The following SLC8A1 variants were observed in gnomAD, a reference collection of about 807,000 sequenced individuals.
SLC8A1 encodes solute carrier family 8 member A1, also known as sodium/calcium exchanger 1.
Under a neutral mutation model 68.3 loss-of-function variants are expected in SLC8A1, and 18 were observed. The observed-to-expected ratio is 0.26, with a 90% CI of 0.18 to 0.39. SLC8A1 has a LOEUF of 0.39. Among genes scored for constraint, SLC8A1 ranks in the 10% least tolerant of loss-of-function variants. The pLI is 1.00. For synonymous variants in SLC8A1, 475 were observed against 415.5 expected (o/e 1.14, Z -1.74); for missense variants, 985 against 1,156.7 (o/e 0.85, Z 2.15).
At chr2:40,224,560 C>A (rs1262815704) in intron 2 of SLC8A1, among the ~76,000 whole-genome samples, 1 of 152,048 alleles carries the variant, frequency 6.6e-6, no homozygotes, top group African/African-American at 2.4e-5. Context: ...CTGTGCAGCT[C>A]CATCATCCAC....
chr2:40,368,777 G>C (rs1575758656), intron 2 of SLC8A1, among the ~76,000 whole-genome samples: 1 of 151,752 alleles, frequency 6.6e-6, no homozygotes, highest in East Asian at 1.9e-4. Flanking sequence ...CTATGTGCCT[G>C]ACTTCAAACC....
At chr2:40,297,752 G>A (rs1034576659) in intron 2 of SLC8A1, among the ~76,000 whole-genome samples, 9 of 152,174 alleles carry the variant, frequency 5.9e-5, no homozygotes, top group African/African-American at 2.2e-4. Context: ...CATTGGTAGA[G>A]TAACAGTCTC....
At chr2:40,429,401 T>G (rs776009460) in exon 2 of SLC8A1, 19 of 1,613,864 alleles carry the variant, frequency 1.2e-5, no homozygotes, top group Non-Finnish European at 1.4e-5. Flanking sequence ...TTGACCACTT[T>G]CCCGTCCATT....
intron 2 of SLC8A1, among the ~76,000 whole-genome samples, chr2:40,357,120 G>A (rs185303005): frequency 1.3e-4 from 20 of 152,162 alleles, no homozygotes; most frequent in African/African-American, 4.8e-4. Flanking sequence ...AGCTTCATCA[G>A]AGCAAATAAC....
chr2:40,421,805 A>G (rs572183451), intron 2 of SLC8A1, among the ~76,000 whole-genome samples: 2 of 152,338 alleles, frequency 1.3e-5, no homozygotes, highest in Admixed American at 6.5e-5. Context: ...GCCTGGCTCT[A>G]TAGTGAAACA....
intron 2 of SLC8A1, among the ~76,000 whole-genome samples, chr2:40,309,383 A>G (rs892824354): frequency 6.6e-6 from 1 of 151,196 alleles, no homozygotes; most frequent in Non-Finnish European, 1.5e-5. Flanking sequence ...GATAAAAAGG[A>G]TACGTGTTTT....
At chr2:40,176,663 T>A (rs446538) in intron 3 of SLC8A1, among the ~76,000 whole-genome samples, 24 of 152,030 alleles carry the variant, frequency 1.6e-4, no homozygotes, top group African/African-American at 5.8e-4. Context: ...AAACATGGGA[T>A]GAACGTGGGA....
At chr2:40,246,553 C>G (rs1018470252) in intron 2 of SLC8A1, among the ~76,000 whole-genome samples, 1 of 152,200 alleles carries the variant, frequency 6.6e-6, no homozygotes, top group African/African-American at 2.4e-5. Context: ...CTGCTCAGGA[C>G]TGATTCCTGT....
chr2:40,265,859 A>T (rs755654706), intron 2 of SLC8A1, among the ~76,000 whole-genome samples: 3 of 149,806 alleles, frequency 2.0e-5, no homozygotes, highest in Non-Finnish European at 4.5e-5. Context: ...AGGCATAAAG[A>T]AAAAAAAAAT....
At chr2:40,296,274 G>C (rs4952604) in intron 2 of SLC8A1, among the ~76,000 whole-genome samples, 40,922 of 151,926 alleles carry the variant, frequency 0.27, 5,598 homozygotes, top group East Asian at 0.38. Context: ...ACCCCAAGAG[G>C]GAAATGACTA....
intron 2 of SLC8A1, among the ~76,000 whole-genome samples, chr2:40,230,543 A>C (rs2059522367): frequency 2.0e-5 from 3 of 152,176 alleles, no homozygotes; most frequent in South Asian, 4.1e-4. Flanking sequence ...ATCAACTCTT[A>C]ATCACTATAA....
intron 2 of SLC8A1, among the ~76,000 whole-genome samples, chr2:40,226,420 G>C (rs941908968): frequency 6.6e-5 from 10 of 152,264 alleles, no homozygotes; most frequent in African/African-American, 1.7e-4. Context: ...GCTTGGAAAT[G>C]TATAGACTGC....
At chr2:40,424,398 CA>C (rs1040252742) in intron 2 of SLC8A1, among the ~76,000 whole-genome samples, 1 of 151,610 alleles carries the variant, frequency 6.6e-6, no homozygotes, top group Non-Finnish European at 1.5e-5. Context: ...CCATAAATAG[CA>C]AAAACAAAAT....
intron 1 of SLC8A1, among the ~76,000 whole-genome samples, chr2:40,501,220 C>G (rs141887863): frequency 2.0e-5 from 3 of 152,104 alleles, no homozygotes; most frequent in African/African-American, 7.2e-5. Flanking sequence ...CTCTATCCTT[C>G]TCTATCTCTT....
chr2:40,239,952 C>T (rs550174587), intron 2 of SLC8A1, among the ~76,000 whole-genome samples: 13 of 152,318 alleles, frequency 8.5e-5, no homozygotes, highest in Admixed American at 8.5e-4. Context: ...TTTGTAACCA[C>T]TGCTTCACCT....
intron 6 of SLC8A1, among the ~76,000 whole-genome samples, chr2:40,156,891 A>G (rs576386920): frequency 1.3e-5 from 2 of 152,260 alleles, no homozygotes; most frequent in African/African-American, 4.8e-5. Flanking sequence ...TGTGTTCTAC[A>G]TGTGTGTTCA....
At chr2:40,356,353 A>C (rs1490822548) in intron 2 of SLC8A1, among the ~76,000 whole-genome samples, 1 of 152,112 alleles carries the variant, frequency 6.6e-6, no homozygotes, top group African/African-American at 2.4e-5. Flanking sequence ...GGTATGAAAA[A>C]CCAATTCCTG....
chr2:40,350,359 T>C (rs1287729555), intron 2 of SLC8A1, among the ~76,000 whole-genome samples: 4 of 151,842 alleles, frequency 2.6e-5, no homozygotes, highest in Admixed American at 1.3e-4. Context: ...TGTAGGCCTG[T>C]AGTCCCAGCT....
intron 2 of SLC8A1, among the ~76,000 whole-genome samples, chr2:40,226,728 G>A (rs1459551459): frequency 6.6e-6 from 1 of 152,194 alleles, no homozygotes; most frequent in Admixed American, 6.5e-5. Context: ...ATGTCCATAA[G>A]AGAAGCAAAT....
Sources: gnomAD v4.1 joint callset for allele counts (sites outside exome capture counted in the v4.1 genomes callset) on GRCh38, gnomAD v4.1.1 for gene constraint, MANE v1.5 for transcripts, NCBI Gene and HGNC (gene_info 2026-07-23, HGNC 2026-07-21) for gene names.